The following CA8 variants were observed in gnomAD, a reference collection of about 807,000 sequenced individuals.
The protein encoded by CA8 is carbonic anhydrase 8 (inactive).
A neutral mutation model predicts 41.4 loss-of-function variants in CA8; 22 were observed. The ratio of observed to expected loss-of-function variants is 0.53; its 90% CI spans 0.38 to 0.76. The LOEUF (loss-of-function observed/expected upper bound fraction) is 0.76. Ranked by LOEUF, CA8 falls within the 30% of genes least tolerant of loss-of-function variation. The pLI, the probability that CA8 is intolerant of heterozygous loss-of-function variation, is 0.00. For synonymous variants in CA8, 121 were observed against 130.6 expected, an observed-to-expected ratio of 0.93 and a Z score of 0.50; for missense variants, 270 against 352.8, an observed-to-expected ratio of 0.77 and a Z score of 1.88.
chr8:60,239,910 T>C (rs987955735), intron 3 of CA8, among the ~76,000 whole-genome samples: 3 of 152,250 alleles, frequency 2.0e-5, no homozygotes, highest in Non-Finnish European at 2.9e-5. Flanking sequence ...ACTATGATTG[T>C]GAGGCCTCCT....
At chr8:60,265,723 G>T in intron 3 of CA8, 1 of 586,348 alleles carries the variant, frequency 1.7e-6, no homozygotes. Flanking sequence ...GTGCTCATGC[G>T]CACACGCCAA....
At chr8:60,243,311 C>T (rs1481104406) in intron 3 of CA8, among the ~76,000 whole-genome samples, 1 of 152,112 alleles carries the variant, frequency 6.6e-6, no homozygotes, top group Non-Finnish European at 1.5e-5. Flanking sequence ...TAAACATCTG[C>T]TCCTTTCTGC....
chr8:60,269,556 G>A (rs574282861), intron 2 of CA8, among the ~76,000 whole-genome samples: 3 of 152,314 alleles, frequency 2.0e-5, no homozygotes, highest in South Asian at 4.1e-4. Context: ...GGAAGCTTTT[G>A]TAAGATCTGA....
At chr8:60,190,435 ATATATATAT>A (rs1806085984) in intron 8 of CA8, among the ~76,000 whole-genome samples, 1 of 1,856 alleles carries the variant, frequency 5.4e-4, no homozygotes, top group African/African-American at 2.3e-3. Context: ...AATGCAGAAT[ATATATATAT>A]ATATATATAT....
chr8:60,219,675 T>G (rs1807166446), intron 7 of CA8, among the ~76,000 whole-genome samples: 1 of 152,072 alleles, frequency 6.6e-6, no homozygotes, highest in Non-Finnish European at 1.5e-5. Flanking sequence ...ACTGCAGTGT[T>G]GAAGAGGGCA....
chr8:60,198,375 T>C (rs1806336771), intron 8 of CA8, among the ~76,000 whole-genome samples: 1 of 151,930 alleles, frequency 6.6e-6, no homozygotes, highest in Non-Finnish European at 1.5e-5. Flanking sequence ...ATGTGTAACT[T>C]AGAATGAATA....
At chr8:60,266,295 C>T (rs1803899915) in intron 2 of CA8, among the ~76,000 whole-genome samples, 1 of 152,132 alleles carries the variant, frequency 6.6e-6, no homozygotes, top group South Asian at 2.1e-4. Context: ...TAATGATATG[C>T]ATATTTTAAT....
At position 60,281,090 on chromosome 8, in the gene CA8, C is replaced by T; in HGVS notation, c.58G>A (p.Glu20Lys). 2 of 1,609,948 alleles carry T rather than the reference C, an allele frequency of 1.2e-6. No individual in the cohort carries two copies. Among genetic ancestry groups the T allele is most frequent in the Non-Finnish European group, 8.5e-7 (1 of 1,178,942 alleles). Residue 20 changes from glutamate (E) to lysine (K), a missense_variant, in exon 1 of 9, where the codon GAG becomes AAG. Physicochemically the swap from Glu to Lys is moderately conservative, Grantham distance 56 (BLOSUM62 1). This residue lies in a region of CA8 where 123 missense variants were observed against 136.8 expected (regional missense o/e 0.90). Transcript: ENST00000317995. ...TCCACACCCTCCTCTTCTTCCTCCT[C>T]ATCCTCTTCCTTCTCGGGGAAGGCG... is the stretch of plus-strand genomic sequence containing the variant. ...TVAFPEKEEDEEEEEEGVEWG... is the reference protein window; with the variant it reads ...TVAFPEKEEDKEEEEEGVEWG...
At chr8:60,258,570 C>A (rs1318587243) in intron 3 of CA8, among the ~76,000 whole-genome samples, 2 of 152,124 alleles carry the variant, frequency 1.3e-5, no homozygotes, top group African/African-American at 2.4e-5. Context: ...AAGTGCATTA[C>A]ATTTATTGTG....
In CA8 at chr8:60,194,134, TCTTTCCTTA is replaced by T. The variant is rs1282092646; in HGVS notation, c.*36-4158_*36-4150del. On this transcript the variant is annotated intron_variant, in intron 8 of 8. Transcript: ENST00000317995. ...CCCTGTTTTTTTTGTGAATGCAATT[TCTTTCCTTA>T]CCTCTCCAAATATATGAGTGACAAC... Among the ~76,000 whole-genome samples the T allele has an allele frequency of 4.7e-4, 71 of 152,318 alleles. 1 individual carries two copies. The highest frequency in any genetic ancestry group is 4.4e-5 in the Non-Finnish European group (3 of 68,022).
chr8:60,242,680 C>T (rs1808075325), intron 3 of CA8, among the ~76,000 whole-genome samples: 1 of 152,220 alleles, frequency 6.6e-6, no homozygotes, highest in African/African-American at 2.4e-5. Flanking sequence ...TGAGCTGAGT[C>T]TCCTTTGTAA....
At chr8:60,252,397 T>C (rs1034120971) in intron 3 of CA8, among the ~76,000 whole-genome samples, 2 of 152,188 alleles carry the variant, frequency 1.3e-5, no homozygotes, top group African/African-American at 4.8e-5. Flanking sequence ...CCATCGGACT[T>C]TAAATGGGGA....
intron 7 of CA8, 99 bp downstream of exon 7, chr8:60,222,550 A>G: frequency 1.3e-6 from 1 of 765,774 alleles, no homozygotes; most frequent in Non-Finnish European, 2.3e-6. Flanking sequence ...GGTATGACTG[A>G]TCTACAGGAA....
intron 8 of CA8, among the ~76,000 whole-genome samples, chr8:60,192,613 T>C (rs996593530): frequency 6.6e-6 from 1 of 152,078 alleles, no homozygotes; most frequent in African/African-American, 2.4e-5. Context: ...GCCCAACACC[T>C]GACCCAAAGC....
At chr8:60,236,929 A>G (rs1807849969) in intron 3 of CA8, among the ~76,000 whole-genome samples, 1 of 152,222 alleles carries the variant, frequency 6.6e-6, no homozygotes, top group Non-Finnish European at 1.5e-5. Flanking sequence ...AGTGGCCTGC[A>G]GTACATCTTA....
intron 3 of CA8, among the ~76,000 whole-genome samples, chr8:60,258,253 C>T (rs764401468): frequency 6.6e-6 from 1 of 152,162 alleles, no homozygotes; most frequent in Non-Finnish European, 1.5e-5. Flanking sequence ...GTGATGTTGG[C>T]ATATTGTTAT....
At chr8:60,247,171 C>T (rs1808274931) in intron 3 of CA8, among the ~76,000 whole-genome samples, 1 of 152,148 alleles carries the variant, frequency 6.6e-6, no homozygotes, top group Non-Finnish European at 1.5e-5. Flanking sequence ...GCGTGAGCCA[C>T]CACGCCCAGC....
intron 7 of CA8, among the ~76,000 whole-genome samples, chr8:60,211,993 A>C (rs1806852692): frequency 6.6e-6 from 1 of 152,218 alleles, no homozygotes; most frequent in African/African-American, 2.4e-5. Context: ...TGAATGTATG[A>C]CTGCATCTAT....
intron 3 of CA8, among the ~76,000 whole-genome samples, chr8:60,249,841 CAGT>C (rs1325559034): frequency 6.6e-6 from 1 of 152,100 alleles, no homozygotes; most frequent in Non-Finnish European, 1.5e-5. Context: ...AATAATCAAG[CAGT>C]AGATCTTATT....
Sources: allele counts gnomAD v4.1 joint callset (sites outside exome capture counted in the v4.1 genomes callset), GRCh38; gene constraint gnomAD v4.1.1; regional missense constraint gnomAD v4.1.1; transcripts MANE v1.5; gene names NCBI Gene and HGNC (gene_info 2026-07-23, HGNC 2026-07-21).